ZZEF1: variants seen among roughly 807,000 people sequenced by gnomAD.
ZZEF1 encodes zinc finger ZZ-type and EF-hand domain-containing protein 1.
Under a neutral mutation model 342.8 loss-of-function variants are expected in ZZEF1, and 157 were observed. The ratio of observed to expected loss-of-function variants is 0.46; its 90% CI spans 0.40 to 0.52. ZZEF1 has a LOEUF of 0.52. Ranked by LOEUF, ZZEF1 falls within the 20% of genes least tolerant of loss-of-function variation. The pLI is 0.00. For synonymous variants in ZZEF1, 1,505 were observed against 1,429.1 expected (o/e 1.05, Z -1.20); for missense variants, 3,480 against 3,725.6 (o/e 0.93, Z 1.72).
intron 1 of ZZEF1, among the ~76,000 whole-genome samples, chr17:4,127,423 G>C (rs973708816): frequency 6.6e-6 from 1 of 152,196 alleles, no homozygotes; most frequent in African/African-American, 2.4e-5. Flanking sequence ...AATATTTATG[G>C]ATGAAATGAT....
At chr17:4,062,291 T>A (rs1471355262) in intron 30 of ZZEF1, among the ~76,000 whole-genome samples, 4 of 151,570 alleles carry the variant, frequency 2.6e-5, no homozygotes, top group African/African-American at 9.7e-5. Context: ...ATTTATTTGG[T>A]TTTTTACTGT....
chr17:4,067,013 A>T, intron 27 of ZZEF1, 150 bp downstream of exon 27: 1 of 630,478 alleles, frequency 1.6e-6, no homozygotes, highest in Non-Finnish European at 2.6e-6. Flanking sequence ...AAGGGTTCTA[A>T]ATTGTTTTAT....
rs1362443866 is a variant in ZZEF1, at chr17:4,058,019, T to C, written c.5140A>G (p.Ile1714Val). 3 of 1,614,190 alleles carry C rather than the reference T, an allele frequency of 1.9e-6. No homozygotes were observed. The highest frequency in any genetic ancestry group is 1.1e-5 in the South Asian group (1 of 91,078). The change falls in exon 32 of 55, where the codon ATA becomes GTA. Residue 1714 changes from isoleucine (I) to valine (V), a missense_variant. This residue lies in a region of ZZEF1 where 1,528 missense variants were observed against 1,624.1 expected (regional missense o/e 0.94). Coordinates refer to ENST00000381638, the MANE Select transcript of ZZEF1 (RefSeq NM_015113.4). ...DLLMKMSQEN[I>V]SVHDSVISQW... ...CTGATCACACTGTCATGGACACTTA[T>C]ATTCTCCTGTGACATTTTCATGAGG...
Position 4,009,748 on chromosome 17 carries a change from A to G in ZZEF1, c.8589T>C (p.Cys2863=), listed in dbSNP as rs752024017. 8 of 1,613,936 alleles carry G rather than the reference A, an allele frequency of 5.0e-6. No individual in the cohort carries two copies. The African/African-American group carries it at 1.1e-4, about 22-fold the overall frequency. Reference sequence around the variant, plus strand: ...ACAGGGGCTTCAACAGCGCAAGGTCACACAGGTCACTGCAGGAGGAGCCCC... The same window carrying G: ...ACAGGGGCTTCAACAGCGCAAGGTCGCACAGGTCACTGCAGGAGGAGCCCC... ...IVRCCGHSDL[C]DLALLKPLWQ... The change falls in exon 53 of 55, where the codon TGT becomes TGC. Residue 2863 remains cysteine (C), a synonymous_variant. Transcript: ENST00000381638.
rs1471891504 is a variant in ZZEF1 at position 4,142,794 on chromosome 17, G to A, written c.102C>T (p.Thr34=). The change falls in exon 1 of 55, where the codon ACC becomes ACT. Residue 34 remains threonine (T), a synonymous_variant. Coordinates refer to ENST00000381638, the MANE Select transcript of ZZEF1 (RefSeq NM_015113.4). ...CTGGAGCCGCGACGCCCGGGCCGGG[G>A]GTCGTGCCCGAGACCGCGGCCCAGT... ...HQDWAAVSGT[T]PGPGVAAPAL... 3 of 1,411,938 alleles carry A rather than the reference G, an allele frequency of 2.1e-6. No individual in the cohort carries two copies. The highest frequency in any genetic ancestry group is 1.6e-5 in the South Asian group (1 of 63,962). 87.5% of individuals were successfully genotyped at this position (1,411,938 alleles called of 1,614,324 possible).
At position 4,017,099 on chromosome 17, in the gene ZZEF1, C is replaced by T. The variant is rs1188208631; in HGVS notation, c.8001+272G>A. Reference sequence around the variant, plus strand: ...AGGGACAGGATCAAAAAGGAGCTACCGAATGTGCCTCAAGATTTCTGCACT... The same window carrying T: ...AGGGACAGGATCAAAAAGGAGCTACTGAATGTGCCTCAAGATTTCTGCACT... On this transcript the variant is annotated intron_variant, in intron 48 of 54. Transcript: ENST00000381638. This position sits in a 1 kb window ranked among gnomAD's most constrained non-coding sequence, Gnocchi z 5.1. The T allele has an allele frequency of 1.8e-5, 8 of 433,862 alleles. 1 individual carries two copies. Among genetic ancestry groups the T allele is most frequent in the South Asian group, 8.8e-5 (3 of 34,066 alleles). The allele number at this position is 433,862 out of a possible 1,614,324, so 26.9% of individuals were successfully genotyped here.
Position 4,017,334 on chromosome 17 carries a change from C to A in ZZEF1, c.8001+37G>T. ...GGAAGCCTGTGGGGCAGAGGAAGAA[C>A]CTGGTGGGTGAGCACAAGCTCAGTC... is the stretch of plus-strand genomic sequence containing the variant. On this transcript the variant is annotated intron_variant, in intron 48 of 54. Transcript: ENST00000381638. This position sits in a 1 kb window ranked among gnomAD's most constrained non-coding sequence, Gnocchi z 5.1. 6.5e-7 allele frequency: 1 copy of A among 1,549,226 alleles called. No homozygotes were observed.
chr17:4,063,119 C>G (rs765889293), intron 29 of ZZEF1, among the ~76,000 whole-genome samples: 1 of 152,160 alleles, frequency 6.6e-6, no homozygotes, highest in Non-Finnish European at 1.5e-5. Context: ...CAGTTCATGC[C>G]AACTGTCCAG....
At chr17:4,019,608 C>T in intron 46 of ZZEF1, 61 bp downstream of exon 46, 2 of 1,476,662 alleles carry the variant, frequency 1.4e-6, no homozygotes, top group Non-Finnish European at 9.4e-7. Context: ...AGGCGCACAC[C>T]CTCCCGCCCT....
At chr17:4,125,557 T>C (rs567320805) in intron 1 of ZZEF1, among the ~76,000 whole-genome samples, 3 of 152,224 alleles carry the variant, frequency 2.0e-5, no homozygotes, top group Non-Finnish European at 4.4e-5. Flanking sequence ...CTGTTCAACC[T>C]GGCAAGATTA....
chr17:4,141,689 C>T (rs183483902), intron 1 of ZZEF1, among the ~76,000 whole-genome samples: 350 of 143,646 alleles, frequency 2.4e-3, no homozygotes, highest in Admixed American at 8.5e-3. Context: ...TGCACATGTA[C>T]GCCTGAATTT....
At chr17:4,136,138 G>A (rs1327708852) in intron 1 of ZZEF1, among the ~76,000 whole-genome samples, 5 of 149,582 alleles carry the variant, frequency 3.3e-5, no homozygotes, top group Non-Finnish European at 7.4e-5. Flanking sequence ...CTACAGGCGC[G>A]CTTCACCACA....
At chr17:4,056,164 T>C in intron 33 of ZZEF1, 52 bp downstream of exon 33, 1 of 1,451,654 alleles carries the variant, frequency 6.9e-7, no homozygotes, top group Non-Finnish European at 9.1e-7. Context: ...CAAACTCTCC[T>C]CTCCAAACTC....
In ZZEF1 at chr17:4,142,532, C is replaced by T; in HGVS notation, c.354+10G>A. ...CTGCCCCATCCCCGCAGTCGCCTGCCGGCCCTGACCTCCTCGAACTGCTCG... is the reference window on the plus strand; with the variant it reads ...CTGCCCCATCCCCGCAGTCGCCTGCTGGCCCTGACCTCCTCGAACTGCTCG... On this transcript the variant is annotated intron_variant, in intron 1 of 54. Coordinates refer to ENST00000381638, the MANE Select transcript of ZZEF1 (RefSeq NM_015113.4). 6.3e-7 allele frequency: 1 copy of T among 1,589,810 alleles called. No individual in the cohort carries two copies. The highest frequency in any genetic ancestry group is 8.5e-7 in the Non-Finnish European group (1 of 1,175,184).
chr17:4,109,580 G>T, intron 6 of ZZEF1, 73 bp downstream of exon 6: 1 of 1,504,698 alleles, frequency 6.6e-7, no homozygotes, highest in Non-Finnish European at 9.2e-7. Context: ...AGGCTGCTCA[G>T]TGATACGCCC....
Position 4,014,901 on chromosome 17 carries a change from C to T in ZZEF1, c.8146-386G>A, listed in dbSNP as rs943135680. ...GTTCAGGGAATGGCAAGGAGCTTGG[C>T]GTGTTTGGAGTAAAGGGTGTGCTAC... is the stretch of plus-strand genomic sequence containing the variant. On this transcript the variant is annotated intron_variant, in intron 49 of 54. Coordinates refer to ENST00000381638, the MANE Select transcript of ZZEF1 (RefSeq NM_015113.4). This position sits in a 1 kb window ranked among gnomAD's most constrained non-coding sequence, Gnocchi z 4.4. Among the ~76,000 whole-genome samples, 2 of 152,014 alleles carry T rather than the reference C, an allele frequency of 1.3e-5. No homozygotes were observed. Among genetic ancestry groups the T allele is most frequent in the African/African-American group, 4.8e-5 (2 of 41,348 alleles).
intron 30 of ZZEF1, among the ~76,000 whole-genome samples, chr17:4,059,830 T>C (rs1471442182): frequency 6.6e-6 from 1 of 152,248 alleles, no homozygotes; most frequent in Non-Finnish European, 1.5e-5. Context: ...GGTCATTTCC[T>C]GGACCTTGTT....
Position 4,076,945 on chromosome 17 carries a change from G to T in ZZEF1, c.3034C>A (p.Leu1012Ile), listed in dbSNP as rs763737261. 2.5e-6 allele frequency: 4 copies of T among 1,613,910 alleles called. No homozygotes were observed. In the African/African-American group the frequency reaches 5.3e-5, roughly 22 times the overall value. ...GTTTTTCCACTGTACTGTGAGAAAA[G>T]GGATTCCAAAATCGCTCTCATGCTT... ...LASMRAILES[L>I]FSQYSGKTIV... Residue 1012 changes from leucine to isoleucine, a missense_variant, in exon 20 of 55, where the codon CTT (leucine) becomes ATT (isoleucine). Coordinates refer to ENST00000381638, the MANE Select transcript of ZZEF1 (RefSeq NM_015113.4).
At chr17:4,092,605 G>A (rs912865128) in intron 11 of ZZEF1, among the ~76,000 whole-genome samples, 6 of 152,036 alleles carry the variant, frequency 3.9e-5, no homozygotes, top group East Asian at 1.9e-4. Flanking sequence ...CACTGTGCCC[G>A]GCAAAATGTC....
Sources: gnomAD v4.1 joint callset for allele counts (sites outside exome capture counted in the v4.1 genomes callset) on GRCh38, gnomAD v4.1.1 for gene constraint, gnomAD v4.1.1 regional missense constraint, Gnocchi (gnomAD v3.1) non-coding constraint, MANE v1.5 for transcripts, NCBI Gene and HGNC (gene_info 2026-07-23, HGNC 2026-07-21) for gene names.